TRMT11: variants seen among roughly 807,000 people sequenced by gnomAD.
TRMT11 encodes tRNA methyltransferase 11.
TRMT11 carries 53 observed loss-of-function variants against 62.8 expected under a neutral mutation model. The ratio of observed to expected loss-of-function variants is 0.84; its 90% CI spans 0.68 to 1.06. The LOEUF (loss-of-function observed/expected upper bound fraction) is 1.06. TRMT11 is among the 50% of genes least tolerant of loss of function. The pLI, the probability that TRMT11 is intolerant of heterozygous loss-of-function variation, is 0.00. For missense variants in TRMT11, 556 were observed against 553.4 expected (o/e 1.00, Z -0.05); for synonymous variants, 188 against 190.3 (o/e 0.99, Z 0.10).
chr6:126,215,140 G>A, the TRMT11 span, among the ~76,000 whole-genome samples: 1 of 151,828 alleles, frequency 6.6e-6, no homozygotes, highest in Non-Finnish European at 1.5e-5. Context: ...TCCATGTGCT[G>A]AAGAGAAGGA....
At chr6:126,234,943 G>A in the TRMT11 span, among the ~76,000 whole-genome samples, 3 of 152,152 alleles carry the variant, frequency 2.0e-5, no homozygotes, top group African/African-American at 7.2e-5. Flanking sequence ...AAGGATGGCT[G>A]TCTTCTTTGG....
chr6:126,151,855 T>TTTCTTTCTTTCTTTCTTTAGTTTCC (rs1778053147), intron 21 of TRMT11, among the ~76,000 whole-genome samples: 1 of 139,816 alleles, frequency 7.2e-6, no homozygotes, highest in African/African-American at 2.7e-5. Flanking sequence ...TCTTTCTTTC[T>TTTCTTTCTTTCTTTCTTTAGTTTCC]TTCTTTCTTT....
At chr6:126,061,408 T>A (rs1776531918) in intron 17 of TRMT11, among the ~76,000 whole-genome samples, 1 of 152,222 alleles carries the variant, frequency 6.6e-6, no homozygotes, top group Non-Finnish European at 1.5e-5. Context: ...ATTATTTGTT[T>A]ATTTAAAGTA....
chr6:126,180,675 A>G (rs1189654859), intron 1 of TRMT11, among the ~76,000 whole-genome samples: 3 of 152,168 alleles, frequency 2.0e-5, no homozygotes, highest in Admixed American at 6.5e-5. Flanking sequence ...GTTACTATCT[A>G]TTTTTCTTCA....
At chr6:126,124,042 A>G (rs928974692) in intron 21 of TRMT11, among the ~76,000 whole-genome samples, 1 of 151,620 alleles carries the variant, frequency 6.6e-6, no homozygotes, top group Non-Finnish European at 1.5e-5. Flanking sequence ...GTCTCTTTCT[A>G]GGTTTTTTGG....
chr6:126,137,136 G>A (rs371099157), intron 21 of TRMT11, among the ~76,000 whole-genome samples: 217 of 151,768 alleles, frequency 1.4e-3, no homozygotes, highest in African/African-American at 4.8e-3. Context: ...CAGACACATG[G>A]TATTACATAA....
At chr6:126,098,807 G>A (rs1017588104) in intron 17 of TRMT11, among the ~76,000 whole-genome samples, 1 of 152,064 alleles carries the variant, frequency 6.6e-6, no homozygotes, top group African/African-American at 2.4e-5. Context: ...TAAACAGATG[G>A]GTACACCATT....
intron 17 of TRMT11, among the ~76,000 whole-genome samples, chr6:126,059,819 A>G (rs984682150): frequency 6.6e-6 from 1 of 152,158 alleles, no homozygotes; most frequent in Non-Finnish European, 1.5e-5. Flanking sequence ...TTTCTCTAGG[A>G]TAAAGACCCT....
chr6:126,227,730 C>A, the TRMT11 span, among the ~76,000 whole-genome samples: 807 of 152,290 alleles, frequency 5.3e-3, 3 homozygotes, highest in Admixed American at 8.6e-3. Flanking sequence ...CCCACTTTAA[C>A]ACCATTTACT....
At chr6:126,194,600 A>G (rs1778643211) in intron 1 of TRMT11, among the ~76,000 whole-genome samples, 1 of 152,188 alleles carries the variant, frequency 6.6e-6, no homozygotes, top group Non-Finnish European at 1.5e-5. Context: ...GATAGTTCTT[A>G]ACTCTCTGGG....
intron 11 of TRMT11, among the ~76,000 whole-genome samples, chr6:126,016,124 ATTG>A (rs1794950714): frequency 6.6e-6 from 1 of 152,102 alleles, no homozygotes; most frequent in Non-Finnish European, 1.5e-5. Flanking sequence ...TAATGACTCC[ATTG>A]TTGACAGCCA....
chr6:126,049,429 C>T, intron 16 of TRMT11, among the ~76,000 whole-genome samples: 1 of 152,164 alleles, frequency 6.6e-6, no homozygotes, highest in East Asian at 1.9e-4. Context: ...AATTTTCTTT[C>T]TCTTTACATT....
chr6:126,249,754 G>A, the TRMT11 span, among the ~76,000 whole-genome samples: 17 of 152,056 alleles, frequency 1.1e-4, no homozygotes, highest in Non-Finnish European at 2.1e-4. Context: ...TCACAATAGA[G>A]GTAGTAGTGA....
chr6:125,987,058 A>T (rs1467920202), intron 1 of TRMT11: 1 of 165,124 alleles, frequency 6.1e-6, no homozygotes, highest in Non-Finnish European at 1.3e-5. Context: ...TTTATTCAAG[A>T]AACGTTTTCA....
At chr6:126,172,595 T>C (rs565422154), upstream of TRMT11, among the ~76,000 whole-genome samples, 197 of 151,692 alleles carry the variant, frequency 1.3e-3, no homozygotes, top group African/African-American at 4.6e-3. Flanking sequence ...TTCAAGTGTA[T>C]TTTTTTTTCT....
chr6:126,161,317 T>A (rs2128228604), intron 21 of TRMT11, among the ~76,000 whole-genome samples: 1 of 152,180 alleles, frequency 6.6e-6, no homozygotes, highest in Non-Finnish European at 1.5e-5. Flanking sequence ...CACTTATAAG[T>A]GAGAACATGT....
At chr6:125,987,831 A>G (rs1383377946) in intron 1 of TRMT11, among the ~76,000 whole-genome samples, 3 of 152,234 alleles carry the variant, frequency 2.0e-5, no homozygotes, top group African/African-American at 7.2e-5. Flanking sequence ...TTTTGTTTAC[A>G]CTGAATTTGA....
chr6:126,074,322 T>C (rs1776948545), intron 17 of TRMT11, among the ~76,000 whole-genome samples: 1 of 152,182 alleles, frequency 6.6e-6, no homozygotes, highest in Non-Finnish European at 1.5e-5. Flanking sequence ...AACCGCTGGA[T>C]AGCATTGGAC....
intron 21 of TRMT11, among the ~76,000 whole-genome samples, chr6:126,160,230 C>G (rs1399540027): frequency 6.6e-6 from 1 of 152,064 alleles, no homozygotes; most frequent in Admixed American, 6.6e-5. Flanking sequence ...TTTTGGAGGT[C>G]ACAATTCACC....
Sources: allele counts gnomAD v4.1 joint callset (sites outside exome capture counted in the v4.1 genomes callset), GRCh38; gene constraint gnomAD v4.1.1; transcripts MANE v1.5; gene names NCBI Gene and HGNC (gene_info 2026-07-23, HGNC 2026-07-21).